HEMK2: variants seen among roughly 807,000 people sequenced by gnomAD.
HEMK2 encodes the protein HemK methyltransferase 2, ETF1 glutamine and histone H4 lysine.
chr21:28,835,302 G>A, the HEMK2 span, among the ~76,000 whole-genome samples: 4 of 152,200 alleles, frequency 2.6e-5, no homozygotes, highest in Admixed American at 2.6e-4. Flanking sequence ...ACACATAGAT[G>A]GTTCACGTAA....
chr21:28,701,626 G>A, the HEMK2 span, among the ~76,000 whole-genome samples: 7 of 150,996 alleles, frequency 4.6e-5, no homozygotes, highest in East Asian at 9.7e-4. Context: ...GCTAACCAGG[G>A]TGGTGAAAGA....
the HEMK2 span, among the ~76,000 whole-genome samples, chr21:28,734,189 C>G: frequency 6.6e-6 from 1 of 152,152 alleles, no homozygotes; most frequent in Admixed American, 6.5e-5. Context: ...ATAAAGTAGA[C>G]AGTAGCCCCC....
At chr21:28,593,022 T>TA in the HEMK2 span, among the ~76,000 whole-genome samples, 5 of 152,072 alleles carry the variant, frequency 3.3e-5, no homozygotes, top group East Asian at 1.9e-4. Context: ...TTGTTTCATG[T>TA]AAAAAAATTA....
At chr21:28,864,913 T>TATAGATAGTTAGATAG in the HEMK2 span, among the ~76,000 whole-genome samples, 14 of 144,088 alleles carry the variant, frequency 9.7e-5, no homozygotes, top group Non-Finnish European at 1.7e-4. Context: ...AGATAGATGA[T>TATAGATAGTTAGATAG]ATAGATAGAT....
chr21:28,750,929 G>A, the HEMK2 span, among the ~76,000 whole-genome samples: 1,658 of 152,180 alleles, frequency 0.011, 24 homozygotes, highest in African/African-American at 0.038. Flanking sequence ...ACTTCAGAGA[G>A]CATTAAGATA....
chr21:28,578,012 T>C, the HEMK2 span, among the ~76,000 whole-genome samples: 5 of 152,328 alleles, frequency 3.3e-5, no homozygotes, highest in South Asian at 8.3e-4. Context: ...AATCTGATTG[T>C]ATCACACCCC....
chr21:28,735,087 C>T, the HEMK2 span, among the ~76,000 whole-genome samples: 463 of 152,270 alleles, frequency 3.0e-3, 1 homozygote, highest in African/African-American at 0.011. Flanking sequence ...CTGGGCATGG[C>T]TTCTTGATCT....
chr21:28,765,819 A>C, the HEMK2 span, among the ~76,000 whole-genome samples: 49,551 of 151,964 alleles, frequency 0.33, 8,186 homozygotes, highest in Middle Eastern at 0.45. Flanking sequence ...TGAGAAAGCC[A>C]AGTGTGAGTA....
At chr21:28,677,894 T>C in the HEMK2 span, among the ~76,000 whole-genome samples, 2 of 152,206 alleles carry the variant, frequency 1.3e-5, no homozygotes, top group Non-Finnish European at 2.9e-5. Flanking sequence ...AAACCCCATC[T>C]GTACGTCACC....
At chr21:28,694,213 CTT>C in the HEMK2 span, among the ~76,000 whole-genome samples, 8 of 152,300 alleles carry the variant, frequency 5.3e-5, no homozygotes, top group East Asian at 7.7e-4. Context: ...TCCGTTTTCT[CTT>C]GTTTCTTTTA....
At chr21:28,752,340 C>T in the HEMK2 span, among the ~76,000 whole-genome samples, 1 of 152,276 alleles carries the variant, frequency 6.6e-6, no homozygotes, top group East Asian at 1.9e-4. Context: ...ACCAAACAAA[C>T]AGCTGTCATT....
At chr21:28,759,450 C>T in the HEMK2 span, among the ~76,000 whole-genome samples, 3 of 152,152 alleles carry the variant, frequency 2.0e-5, no homozygotes, top group Non-Finnish European at 2.9e-5. Context: ...ACAGGCTCAT[C>T]GGCAGAAGGG....
the HEMK2 span, among the ~76,000 whole-genome samples, chr21:28,683,368 T>C: frequency 6.6e-6 from 1 of 152,202 alleles, no homozygotes. Context: ...GGCTGGTAAC[T>C]GTGTGCACCC....
the HEMK2 span, among the ~76,000 whole-genome samples, chr21:28,609,401 G>C: frequency 3.9e-5 from 6 of 152,186 alleles, no homozygotes; most frequent in Non-Finnish European, 8.8e-5. Context: ...CTGAACAGCA[G>C]CCCTTGAGTC....
chr21:28,757,653 G>C, the HEMK2 span, among the ~76,000 whole-genome samples: 1 of 152,208 alleles, frequency 6.6e-6, no homozygotes, highest in Admixed American at 6.5e-5. Context: ...CACAACAATC[G>C]ACAGCAGATA....
the HEMK2 span, among the ~76,000 whole-genome samples, chr21:28,757,874 C>T: frequency 7.4e-4 from 113 of 152,224 alleles, no homozygotes; most frequent in African/African-American, 2.6e-3. Flanking sequence ...AGACTGCAAC[C>T]AGAGGAAATA....
At chr21:28,808,986 A>G in the HEMK2 span, among the ~76,000 whole-genome samples, 2 of 152,306 alleles carry the variant, frequency 1.3e-5, no homozygotes, top group East Asian at 3.9e-4. Flanking sequence ...TCAGTCATCA[A>G]ATTTTACTTT....
At chr21:28,625,178 T>C in the HEMK2 span, among the ~76,000 whole-genome samples, 1 of 152,202 alleles carries the variant, frequency 6.6e-6, no homozygotes, top group African/African-American at 2.4e-5. Context: ...AGAGATTAGA[T>C]GCAAAAACAA....
chr21:28,623,320 A>C, the HEMK2 span, among the ~76,000 whole-genome samples: 1 of 152,262 alleles, frequency 6.6e-6, no homozygotes, highest in African/African-American at 2.4e-5. Flanking sequence ...CGATCATTAA[A>C]AAGTGAGGAA....
Sources: allele counts gnomAD v4.1 joint callset (sites outside exome capture counted in the v4.1 genomes callset), GRCh38; gene constraint gnomAD v4.1.1; transcripts MANE v1.5; gene names NCBI Gene and HGNC (gene_info 2026-07-23, HGNC 2026-07-21).